LRFN5: variants seen among roughly 807,000 people sequenced by gnomAD.
LRFN5 encodes the protein leucine rich repeat and fibronectin type III domain containing 5, also known as leucine-rich repeat and fibronectin type-III domain-containing protein 5.
A neutral mutation model predicts 45.6 loss-of-function variants in LRFN5; 24 were observed. The ratio of observed to expected loss-of-function variants is 0.53; its 90% confidence interval spans 0.38 to 0.74. The LOEUF (loss-of-function observed/expected upper bound fraction) is 0.74, where lower values mean the gene tolerates loss of function less well. LRFN5 is among the 30% of genes least tolerant of loss of function. The pLI, the probability that LRFN5 is intolerant of heterozygous loss-of-function variation, is 0.00. For missense variants in LRFN5, 776 were observed against 861.5 expected (o/e 0.90, Z 1.24); for synonymous variants, 340 against 313.8 (o/e 1.08, Z -0.88).
chr14:41,867,829 C>G (rs1341693936), intron 2 of LRFN5, among the ~76,000 whole-genome samples: 1 of 151,896 alleles, frequency 6.6e-6, no homozygotes, highest in African/African-American at 2.4e-5. Context: ...TATCCTCCCT[C>G]TTTGTCTTAT....
chr14:41,692,646 A>G (rs1429327465), intron 1 of LRFN5, among the ~76,000 whole-genome samples: 1 of 152,038 alleles, frequency 6.6e-6, no homozygotes, highest in Non-Finnish European at 1.5e-5. Context: ...ATTCCCACCT[A>G]TGAGTGAGAA....
Position 41,904,229 on chromosome 14 carries a change from T to G in LRFN5, c.*54T>G. On this transcript the variant is annotated 3_prime_UTR_variant, in exon 6 of 6. Transcript: ENST00000298119. ...AAAAATTTGCCACTGATATTTTTACTGGATAAAATTCAAAAATGTTTCAAT... is the reference window on the plus strand; with the variant it reads ...AAAAATTTGCCACTGATATTTTTACGGGATAAAATTCAAAAATGTTTCAAT... 1 of 1,598,868 alleles carries G rather than the reference T, an allele frequency of 6.3e-7. No individual in the cohort carries two copies. The highest frequency in any genetic ancestry group is 8.5e-7 in the Non-Finnish European group (1 of 1,169,668).
intron 1 of LRFN5, among the ~76,000 whole-genome samples, chr14:41,657,065 C>T (rs1880412874): frequency 6.6e-6 from 1 of 151,806 alleles, no homozygotes; most frequent in South Asian, 2.1e-4. Context: ...GAGACTAAGT[C>T]ATAGGATCAT....
At chr14:41,679,055 C>T in intron 1 of LRFN5, among the ~76,000 whole-genome samples, 1 of 64,522 alleles carries the variant, frequency 1.5e-5, no homozygotes, top group Non-Finnish European at 2.8e-5. Context: ...TGAGTATTTA[C>T]ACCAGCTCTC....
chr14:41,632,738 A>G (rs1156603702), intron 1 of LRFN5, among the ~76,000 whole-genome samples: 1 of 152,202 alleles, frequency 6.6e-6, no homozygotes, highest in Non-Finnish European at 1.5e-5. Context: ...CAGGAAAAAA[A>G]GGCAAGGAAT....
intron 1 of LRFN5, among the ~76,000 whole-genome samples, chr14:41,612,748 A>G (rs1416421762): frequency 2.0e-5 from 3 of 152,106 alleles, no homozygotes; most frequent in Non-Finnish European, 4.4e-5. Context: ...TGAAATTAAG[A>G]AGTATTATGT....
chr14:41,781,171 T>A (rs954611966), intron 2 of LRFN5, among the ~76,000 whole-genome samples: 15 of 152,286 alleles, frequency 9.8e-5, no homozygotes, highest in Non-Finnish European at 1.6e-4. Context: ...TATTTTCTTC[T>A]CCTGAAAGAA....
chr14:41,757,472 C>G (rs750313559), intron 1 of LRFN5, among the ~76,000 whole-genome samples: 5 of 152,230 alleles, frequency 3.3e-5, no homozygotes, highest in Non-Finnish European at 5.9e-5. Flanking sequence ...GCCCCTCCCC[C>G]AGCCTCGCTG....
intron 2 of LRFN5, among the ~76,000 whole-genome samples, chr14:41,810,196 C>T (rs1485898945): frequency 1.3e-5 from 2 of 152,018 alleles, no homozygotes; most frequent in African/African-American, 4.8e-5. Context: ...TTTTATTACT[C>T]TAGAGAATTT....
chr14:41,666,357 A>C (rs188214387), intron 1 of LRFN5, among the ~76,000 whole-genome samples: 25 of 152,070 alleles, frequency 1.6e-4, no homozygotes, highest in African/African-American at 5.1e-4. Context: ...TATTATCCCC[A>C]TTTTTCAGCA....
chr14:41,730,501 C>T (rs1463922436), intron 1 of LRFN5, among the ~76,000 whole-genome samples: 2 of 151,984 alleles, frequency 1.3e-5, no homozygotes, highest in African/African-American at 4.8e-5. Flanking sequence ...GATTTACAAA[C>T]CATTCTTATG....
At chr14:41,762,791 C>T (rs1163082964) in intron 1 of LRFN5, among the ~76,000 whole-genome samples, 3 of 151,910 alleles carry the variant, frequency 2.0e-5, no homozygotes, top group Non-Finnish European at 2.9e-5. Flanking sequence ...TGTAGTAAAA[C>T]CATATGATTC....
rs1361816051 is a variant in LRFN5, at chr14:41,607,909, T to C, written c.-850T>C. 1 of 152,230 alleles carries C rather than the reference T, an allele frequency of 6.6e-6. No homozygotes were observed. The highest frequency in any genetic ancestry group is 1.5e-5 in the Non-Finnish European group (1 of 68,060). The allele number at this position is 152,230 out of a possible 1,614,324, so 9.4% of individuals were successfully genotyped here. On this transcript the variant is annotated 5_prime_UTR_variant, in exon 1 of 6. Coordinates refer to ENST00000298119, the MANE Select transcript of LRFN5 (RefSeq NM_152447.5). The stretch of plus-strand genomic sequence containing the variant: ...AAAAGTTCAGCCCTTCGAACTGGTT[T>C]GCTATACAAAACAAAACAAAACAAA...
chr14:41,618,458 T>G (rs1365114725), intron 1 of LRFN5, among the ~76,000 whole-genome samples: 1 of 152,184 alleles, frequency 6.6e-6, no homozygotes, highest in Non-Finnish European at 1.5e-5. Context: ...AAACATGGAT[T>G]CCTCTGCTGA....
At chr14:41,771,209 C>G (rs571239378) in intron 2 of LRFN5, among the ~76,000 whole-genome samples, 128 of 150,368 alleles carry the variant, frequency 8.5e-4, no homozygotes, top group African/African-American at 3.0e-3. Context: ...CCCTGGATCT[C>G]CTCGCCCAGA....
At chr14:41,837,887 C>T in intron 2 of LRFN5, among the ~76,000 whole-genome samples, 1 of 152,098 alleles carries the variant, frequency 6.6e-6, no homozygotes, top group East Asian at 1.9e-4. Context: ...TTTTATGGAC[C>T]AATTTTTCAC....
intron 1 of LRFN5, among the ~76,000 whole-genome samples, chr14:41,632,698 T>G (rs564161915): frequency 6.6e-6 from 1 of 152,268 alleles, no homozygotes; most frequent in South Asian, 2.1e-4. Context: ...AAATATTGTA[T>G]GTGTCAATCT....
chr14:41,798,006 AG>A (rs1259486826), intron 2 of LRFN5, among the ~76,000 whole-genome samples: 4 of 151,932 alleles, frequency 2.6e-5, no homozygotes, highest in African/African-American at 4.8e-5. Flanking sequence ...CCAAAATACA[AG>A]TGCCCCATTA....
chr14:41,882,910 G>C (rs1290462101), intron 2 of LRFN5, among the ~76,000 whole-genome samples: 1 of 144,722 alleles, frequency 6.9e-6, no homozygotes, highest in Admixed American at 7.1e-5. Flanking sequence ...GTGTAATGGC[G>C]CGATCTCTGC....
Sources: gnomAD v4.1 joint callset for allele counts (sites outside exome capture counted in the v4.1 genomes callset) on GRCh38, gnomAD v4.1.1 for gene constraint, MANE v1.5 for transcripts, NCBI Gene and HGNC (gene_info 2026-07-23, HGNC 2026-07-21) for gene names.